LRIG3: variants seen among roughly 807,000 people sequenced by gnomAD.
LRIG3 encodes leucine-rich repeats and immunoglobulin-like domains protein 3.
Under a neutral mutation model 114.5 loss-of-function variants are expected in LRIG3, and 76 were observed. The ratio of observed to expected loss-of-function variants is 0.66; its 90% CI spans 0.55 to 0.80. The LOEUF is 0.80. Ranked by LOEUF, LRIG3 falls within the 30% of genes least tolerant of loss-of-function variation. LRIG3 has a pLI of 0.00. For missense variants in LRIG3, 1,239 were observed against 1,382.8 expected, an observed-to-expected ratio of 0.90 and a Z score of 1.65; for synonymous variants, 512 against 519.8, an observed-to-expected ratio of 0.98 and a Z score of 0.20.
In LRIG3 at chr12:58,875,322, G is replaced by A. The variant is rs376298767; in HGVS notation, c.2696-749C>T. On this transcript the variant is annotated intron_variant, in intron 16 of 18. Coordinates refer to ENST00000320743, the MANE Select transcript of LRIG3 (RefSeq NM_153377.5). ...TTGGGTCTCCACTCTGCCTCTAAAC[G>A]GGTCTAACCAGAATACTCACTTCTA... Among the ~76,000 whole-genome samples the A allele has an allele frequency of 2.0e-5, 3 of 151,618 alleles. No individual in the cohort carries two copies. The South Asian group carries it at 6.2e-4, about 31-fold the overall frequency.
chr12:58,885,558 G>A (rs1256896207), intron 10 of LRIG3, among the ~76,000 whole-genome samples: 1 of 150,952 alleles, frequency 6.6e-6, no homozygotes, highest in African/African-American at 2.4e-5. Context: ...AATAATCACT[G>A]TTTGAGAAAA....
chr12:58,914,191 A>T (rs1047819620), intron 2 of LRIG3, 74 bp downstream of exon 2: 63 of 1,519,494 alleles, frequency 4.1e-5, no homozygotes, highest in Admixed American at 2.2e-4. Flanking sequence ...TAATCCAAGT[A>T]TTCCTTACGG....
At position 58,878,763 on chromosome 12, in the gene LRIG3, T is replaced by C; in HGVS notation, c.2083+61A>G. The C allele has an allele frequency of 3.2e-6, 5 of 1,541,512 alleles. No homozygotes were observed. In the Admixed American group the frequency reaches 7.1e-5, roughly 22 times the overall value. Reference sequence around the variant, plus strand: ...TCACAACTTCTGATACTTAGGGACCTTGGATGAGCTAGTATCTTCAAGACT... The same window carrying C: ...TCACAACTTCTGATACTTAGGGACCCTGGATGAGCTAGTATCTTCAAGACT... On this transcript the variant is annotated intron_variant, in intron 14 of 18. Transcript: ENST00000320743.
chr12:58,897,794 G>A (rs1871695766), intron 3 of LRIG3, among the ~76,000 whole-genome samples: 1 of 152,128 alleles, frequency 6.6e-6, no homozygotes, highest in Non-Finnish European at 1.5e-5. Context: ...AATAAAAATG[G>A]ACTCTACTTT....
rs781486510 is a variant in LRIG3, at chr12:58,876,513, C to T, written c.2627G>A (p.Ser876Asn). The T allele has an allele frequency of 9.9e-6, 16 of 1,614,162 alleles. No homozygotes were observed. The highest frequency in any genetic ancestry group is 1.7e-5 in the Admixed American group (1 of 60,018). ...DRQDGYVSSESGSHHQFVTSS... is the reference protein window; with the variant it reads ...DRQDGYVSSENGSHHQFVTSS... ...TGTGACAAACTGGTGGTGGCTTCCA[C>T]TTTCTGAAGACACGTACCCATCCTG... The change falls in exon 16 of 19, where the codon AGT (serine) becomes AAT (asparagine). Residue 876 changes from serine (S) to asparagine (N), a missense_variant. Physicochemically the swap from Ser to Asn is conservative, Grantham distance 46. Coordinates refer to ENST00000320743, the MANE Select transcript of LRIG3 (RefSeq NM_153377.5).
chr12:58,902,561 CTCTT>C lies in LRIG3; in HGVS notation c.383+11417_383+11420del, dbSNP rs895785594. ...GTGTTTATATTTATAATTGCCTTTTCTCTTTTTTTTATTTTTTCATTATTATAAT... is the reference window on the plus strand; with the variant it reads ...GTGTTTATATTTATAATTGCCTTTTCTTTTTTATTTTTTCATTATTATAAT... On this transcript the variant is annotated intron_variant, in intron 3 of 18. Transcript: ENST00000320743. Among the ~76,000 whole-genome samples, 6 of 152,006 alleles carry C rather than the reference CTCTT, an allele frequency of 3.9e-5. No homozygotes were observed. In the East Asian group the frequency reaches 7.7e-4, roughly 20 times the overall value.
Position 58,920,123 on chromosome 12 carries a change from G to C in LRIG3, c.113C>G (p.Pro38Arg). ...TGGGCGCTCGGCGGCTACCCCAGAG[G>C]GCTGCCCGAGTTCCCCGCGACCGCC... ...DSGGRGELGQPSGVAAERPCP... is the reference protein window; with the variant it reads ...DSGGRGELGQRSGVAAERPCP... The change falls in exon 1 of 19, where the codon CCC (proline) becomes CGC (arginine). Residue 38 changes from proline to arginine, a missense_variant. Transcript: ENST00000320743. 6.5e-7 allele frequency: 1 copy of C among 1,547,316 alleles called. No homozygotes were observed. The highest frequency in any genetic ancestry group is 8.7e-7 in the Non-Finnish European group (1 of 1,147,024).
At chr12:58,876,843 A>G (rs1870937318) in intron 15 of LRIG3, among the ~76,000 whole-genome samples, 1 of 152,222 alleles carries the variant, frequency 6.6e-6, no homozygotes, top group African/African-American at 2.4e-5. Context: ...CCCAAATTTC[A>G]AAACAACAAA....
In LRIG3 at chr12:58,888,453, G is replaced by T. The variant is rs768323965; in HGVS notation, c.823C>A (p.Leu275Ile). 8.7e-6 allele frequency: 14 copies of T among 1,613,696 alleles called. No homozygotes were observed. Among genetic ancestry groups the T allele is most frequent in the Non-Finnish European group, 1.2e-5 (14 of 1,179,754 alleles). ...AGCCAGCCTTTGGTAATCTCTGTTA[G>T]GTTGTTATGGTCCAGCTGCCTACAT... ...MEILQLDHNN[L>I]TEITKGWLYG... Residue 275 changes from leucine to isoleucine, a missense_variant, in exon 7 of 19, where the codon CTA (leucine) becomes ATA (isoleucine). By Grantham distance (5) the Leu-to-Ile change is conservative. Transcript: ENST00000320743.
chr12:58,877,185 A>G (rs1008950821), intron 15 of LRIG3, among the ~76,000 whole-genome samples: 2 of 152,208 alleles, frequency 1.3e-5, no homozygotes, highest in African/African-American at 4.8e-5. Flanking sequence ...CAGCCACAGG[A>G]TACCCTGATG....
At chr12:58,918,085 G>C (rs74099593) in intron 1 of LRIG3, among the ~76,000 whole-genome samples, 107 of 152,326 alleles carry the variant, frequency 7.0e-4, no homozygotes, top group African/African-American at 2.5e-3. Flanking sequence ...AAAAGTCACA[G>C]AAGTACAGGA....
At chr12:58,873,459 A>G (rs904713865) in intron 18 of LRIG3, 1 of 153,968 alleles carries the variant, frequency 6.5e-6, no homozygotes, top group African/African-American at 2.4e-5. Context: ...CTCTCTGTTC[A>G]GTGAAAAGAT....
chr12:58,905,489 G>A (rs571086890), intron 3 of LRIG3, among the ~76,000 whole-genome samples: 19 of 152,222 alleles, frequency 1.2e-4, no homozygotes, highest in African/African-American at 3.9e-4. Context: ...TCCACTAAAC[G>A]TAATATCTGG....
At chr12:58,875,431 T>C (rs528324280) in intron 16 of LRIG3, among the ~76,000 whole-genome samples, 5 of 152,332 alleles carry the variant, frequency 3.3e-5, no homozygotes, top group South Asian at 4.1e-4. Flanking sequence ...AACTGTGAAA[T>C]TGAAAACATA....
intron 3 of LRIG3, among the ~76,000 whole-genome samples, chr12:58,896,898 A>G (rs1169577087): frequency 6.6e-6 from 1 of 152,248 alleles, no homozygotes; most frequent in Non-Finnish European, 1.5e-5. Context: ...AGCACCATTT[A>G]TAAAGGAATT....
chr12:58,919,427 G>T lies in LRIG3; in HGVS notation c.236+573C>A, dbSNP rs144968639. On this transcript the variant is annotated intron_variant, in intron 1 of 18. Transcript: ENST00000320743. Reference sequence around the variant, plus strand: ...ATCTGGTTGAGGAGTGGGAACTTACGGTCTGCTAATGTGAAAAAGCAAGCA... The same window carrying T: ...ATCTGGTTGAGGAGTGGGAACTTACTGTCTGCTAATGTGAAAAAGCAAGCA... The T allele has an allele frequency of 2.6e-4, 399 of 1,551,580 alleles. No individual in the cohort carries two copies. In the African/African-American group the frequency reaches 4.3e-3, roughly 17 times the overall value.
At chr12:58,876,718 A>C in intron 15 of LRIG3, 115 bp from the exon 16 acceptor site, 1 of 1,055,632 alleles carries the variant, frequency 9.5e-7, no homozygotes, top group Admixed American at 2.2e-5. Context: ...ATTAGGGGAG[A>C]TCTACTCTGG....
Position 58,877,433 on chromosome 12 carries a change from G to T in LRIG3, c.2503C>A (p.Arg835=), listed in dbSNP as rs369366724. ...GTAATGCTGCAATCTTCATTCCTCC[G>T]CCTTGTGTGGTATATGATGACCACC... ...VWVVIIYHTR[R]RNEDCSITNT... Residue 835 remains arginine, a synonymous_variant, in exon 15 of 19, where the codon CGG becomes AGG. Coordinates refer to ENST00000320743, the MANE Select transcript of LRIG3 (RefSeq NM_153377.5). The T allele has an allele frequency of 7.4e-6, 12 of 1,613,808 alleles. No homozygotes were observed. In the African/African-American group the frequency reaches 1.5e-4, roughly 20 times the overall value.
At chr12:58,901,576 C>T (rs1211802442) in intron 3 of LRIG3, among the ~76,000 whole-genome samples, 1 of 152,160 alleles carries the variant, frequency 6.6e-6, no homozygotes, top group Non-Finnish European at 1.5e-5. Flanking sequence ...AGCACAGATA[C>T]AGAACATTTC....
Sources: gnomAD v4.1 joint callset for allele counts (sites outside exome capture counted in the v4.1 genomes callset) on GRCh38, gnomAD v4.1.1 for gene constraint, MANE v1.5 for transcripts, NCBI Gene and HGNC (gene_info 2026-07-23, HGNC 2026-07-21) for gene names.